ACTR3C: variants seen among roughly 807,000 people sequenced by gnomAD.
ACTR3C encodes actin related protein 3C, also known as actin-related protein 3C.
ACTR3C carries 18 observed loss-of-function variants against 26.3 expected under a neutral mutation model. The ratio of observed to expected loss-of-function variants is 0.68; its 90% CI spans 0.47 to 1.01. The LOEUF (loss-of-function observed/expected upper bound fraction) is 1.01, where lower values mean the gene tolerates loss of function less well. Among genes scored for constraint, ACTR3C ranks in the 50% least tolerant of loss-of-function variants. ACTR3C has a pLI of 0.00. For missense variants in ACTR3C, 184 were observed against 250.7 expected (o/e 0.73, Z 1.80); for synonymous variants, 55 against 94.5 (o/e 0.58, Z 2.42).
chr7:150,289,352 G>A, intron 4 of ACTR3C, 98 bp downstream of exon 4: 1 of 1,445,884 alleles, frequency 6.9e-7, no homozygotes, highest in Non-Finnish European at 9.1e-7. Flanking sequence ...GAAGGGGAGA[G>A]GATGGAAAGG....
chr7:150,320,725 T>C (rs574786093), intron 1 of ACTR3C, among the ~76,000 whole-genome samples: 1 of 152,356 alleles, frequency 6.6e-6, no homozygotes, highest in African/African-American at 2.4e-5. Context: ...ATGGTGGCAT[T>C]GCACTCCAGC....
the ACTR3C span, among the ~76,000 whole-genome samples, chr7:150,141,834 GT>G: frequency 2.6e-5 from 4 of 151,940 alleles, no homozygotes; most frequent in African/African-American, 9.7e-5. Flanking sequence ...GTTCTTGAGG[GT>G]TTTTTTAATG....
At chr7:150,177,281 C>T in the ACTR3C span, among the ~76,000 whole-genome samples, 14 of 150,278 alleles carry the variant, frequency 9.3e-5, no homozygotes, top group South Asian at 4.2e-4. Flanking sequence ...TTTTTCCATC[C>T]GACTCGGATA....
the ACTR3C span, among the ~76,000 whole-genome samples, chr7:149,904,398 C>T: frequency 1.3e-5 from 2 of 151,288 alleles, no homozygotes; most frequent in South Asian, 2.1e-4. Flanking sequence ...AGCATGGTGG[C>T]GTGCACCTGT....
the ACTR3C span, among the ~76,000 whole-genome samples, chr7:150,235,381 C>T: frequency 6.6e-6 from 1 of 152,198 alleles, no homozygotes; most frequent in Non-Finnish European, 1.5e-5. Context: ...CTCTCTCCCA[C>T]AGCTCACTCT....
At chr7:150,219,542 C>G in the ACTR3C span, among the ~76,000 whole-genome samples, 24 of 142,140 alleles carry the variant, frequency 1.7e-4, no homozygotes, top group Non-Finnish European at 2.8e-4. Flanking sequence ...TGAGCATGGC[C>G]AAGGGTGGCC....
At chr7:150,033,058 A>G in the ACTR3C span, among the ~76,000 whole-genome samples, 1 of 152,180 alleles carries the variant, frequency 6.6e-6, no homozygotes, top group East Asian at 1.9e-4. Flanking sequence ...GAGGGCCCCA[A>G]CAATCAAGAC....
intron 4 of ACTR3C, 79 bp downstream of exon 4, chr7:150,289,371 G>A: frequency 6.8e-7 from 1 of 1,469,258 alleles, no homozygotes; most frequent in Non-Finnish European, 9.0e-7. Flanking sequence ...GGAGGGGCAG[G>A]GATGATGGCA....
At chr7:149,943,795 G>A in the ACTR3C span, among the ~76,000 whole-genome samples, 1 of 147,038 alleles carries the variant, frequency 6.8e-6, no homozygotes, top group African/African-American at 2.7e-5. Flanking sequence ...TAATCCCAGA[G>A]TAAAAGTTCA....
At chr7:150,159,574 T>C in the ACTR3C span, among the ~76,000 whole-genome samples, 1 of 152,014 alleles carries the variant, frequency 6.6e-6, no homozygotes, top group African/African-American at 2.4e-5. Flanking sequence ...TAAGGAATAA[T>C]TCATCACAAC....
chr7:149,987,355 C>T, the ACTR3C span, among the ~76,000 whole-genome samples: 1 of 150,134 alleles, frequency 6.7e-6, no homozygotes, highest in Admixed American at 6.6e-5. Flanking sequence ...CACTTGAGGT[C>T]AGGAGTTCCA....
At chr7:150,321,177 C>T (rs1410504638) in intron 1 of ACTR3C, among the ~76,000 whole-genome samples, 1 of 152,166 alleles carries the variant, frequency 6.6e-6, no homozygotes, top group Non-Finnish European at 1.5e-5. Context: ...AGTAATTTTC[C>T]ATCTGCTGAC....
chr7:149,963,926 T>C, the ACTR3C span, among the ~76,000 whole-genome samples: 4 of 152,184 alleles, frequency 2.6e-5, no homozygotes, highest in Non-Finnish European at 5.9e-5. Flanking sequence ...AAAAGAGACA[T>C]GCATGAATCC....
At chr7:150,316,480 G>GTTTTT (rs1563212991) in intron 1 of ACTR3C, among the ~76,000 whole-genome samples, 1 of 131,732 alleles carries the variant, frequency 7.6e-6, no homozygotes. Context: ...TTAGAATCTG[G>GTTTTT]TTATTTTTTT....
At chr7:150,093,993 G>A in the ACTR3C span, among the ~76,000 whole-genome samples, 2 of 150,342 alleles carry the variant, frequency 1.3e-5, no homozygotes, top group African/African-American at 2.5e-5. Context: ...CCATAGCCTC[G>A]GTTTTCTGGT....
chr7:150,017,064 A>G, the ACTR3C span, among the ~76,000 whole-genome samples: 3 of 152,056 alleles, frequency 2.0e-5, no homozygotes, highest in Admixed American at 2.0e-4. Flanking sequence ...TAGAGTCAAC[A>G]GCCAATCTTC....
the ACTR3C span, among the ~76,000 whole-genome samples, chr7:150,173,153 C>T: frequency 1.7e-4 from 25 of 150,328 alleles, no homozygotes; most frequent in Admixed American, 8.5e-4. Flanking sequence ...GTGGGGGCTC[C>T]GATCCCACAT....
At chr7:150,042,222 G>T in the ACTR3C span, among the ~76,000 whole-genome samples, 1 of 29,316 alleles carries the variant, frequency 3.4e-5, no homozygotes, top group Non-Finnish European at 6.7e-5. Context: ...CAACAGCCGG[G>T]GGTGGAAGAG....
the ACTR3C span, among the ~76,000 whole-genome samples, chr7:150,179,796 C>G: frequency 6.6e-6 from 1 of 151,672 alleles, no homozygotes; most frequent in Non-Finnish European, 1.5e-5. Flanking sequence ...TGCTGGGACT[C>G]TGATGGGATT....
Sources: allele counts gnomAD v4.1 joint callset (sites outside exome capture counted in the v4.1 genomes callset), GRCh38; gene constraint gnomAD v4.1.1; transcripts MANE v1.5; gene names NCBI Gene and HGNC (gene_info 2026-07-23, HGNC 2026-07-21).